ARHGAP24: variants seen among roughly 807,000 people sequenced by gnomAD.
ARHGAP24 encodes the protein Rho GTPase activating protein 24.
ARHGAP24 carries 50 observed loss-of-function variants against 76.4 expected under a neutral mutation model. That is an observed-to-expected ratio of 0.65 (90% CI 0.52 to 0.83). The LOEUF (loss-of-function observed/expected upper bound fraction) is 0.83. Among genes scored for constraint, ARHGAP24 ranks in the 40% least tolerant of loss-of-function variants. The probability of loss-of-function intolerance (pLI) is 0.00; values close to 1 mark genes in which losing one functional copy is unlikely to be tolerated. For missense variants in ARHGAP24, 930 were observed against 914.2 expected, an observed-to-expected ratio of 1.02 and a Z score of -0.22; for synonymous variants, 345 against 323.3, an observed-to-expected ratio of 1.07 and a Z score of -0.72.
chr4:85,725,260 A>G (rs1178312788), intron 3 of ARHGAP24, among the ~76,000 whole-genome samples: 1 of 152,220 alleles, frequency 6.6e-6, no homozygotes, highest in Non-Finnish European at 1.5e-5. Context: ...CTGTATACCT[A>G]ACACCTGGAA....
intron 2 of ARHGAP24, among the ~76,000 whole-genome samples, chr4:85,639,262 TTA>T (rs1340011266): frequency 1.3e-5 from 2 of 152,170 alleles, no homozygotes; most frequent in Non-Finnish European, 2.9e-5. Flanking sequence ...TAGTTCAGTG[TTA>T]TTATCTACTT....
At chr4:85,696,961 A>T (rs1723891169) in intron 2 of ARHGAP24, among the ~76,000 whole-genome samples, 1 of 152,170 alleles carries the variant, frequency 6.6e-6, no homozygotes, top group Non-Finnish European at 1.5e-5. Context: ...TCCTAGTAGG[A>T]TGCATATGGA....
chr4:85,856,705 C>T (rs1054715066), intron 3 of ARHGAP24, among the ~76,000 whole-genome samples: 6 of 151,926 alleles, frequency 3.9e-5, no homozygotes, highest in Admixed American at 3.3e-4. Context: ...CCTGACCTCA[C>T]GTGATCCACT....
chr4:85,522,346 A>G (rs924368961), intron 1 of ARHGAP24, among the ~76,000 whole-genome samples: 2 of 152,116 alleles, frequency 1.3e-5, no homozygotes, highest in African/African-American at 4.8e-5. Flanking sequence ...TTTGTTTTTG[A>G]CTTTTAACTT....
chr4:85,692,242 CTA>C (rs1560588233), intron 2 of ARHGAP24, among the ~76,000 whole-genome samples: 1 of 152,134 alleles, frequency 6.6e-6, no homozygotes, highest in Non-Finnish European at 1.5e-5. Flanking sequence ...TGACCCTTCT[CTA>C]TATCTGCCTT....
chr4:85,834,992 T>C (rs1437636331), intron 3 of ARHGAP24, among the ~76,000 whole-genome samples: 1 of 152,186 alleles, frequency 6.6e-6, no homozygotes, highest in Admixed American at 6.5e-5. Context: ...AAAACTTCAC[T>C]CCTTGGCTTT....
chr4:85,888,747 T>G (rs1337265772), intron 3 of ARHGAP24, among the ~76,000 whole-genome samples: 2 of 152,110 alleles, frequency 1.3e-5, no homozygotes, highest in Non-Finnish European at 2.9e-5. Context: ...TACCCACTGC[T>G]TTTTTGTCCT....
At chr4:85,579,358 G>GA (rs1727512315) in intron 2 of ARHGAP24, among the ~76,000 whole-genome samples, 1 of 151,998 alleles carries the variant, frequency 6.6e-6, no homozygotes, top group African/African-American at 2.4e-5. Flanking sequence ...AACTTTAGGG[G>GA]AAAAAACAAA....
intron 1 of ARHGAP24, among the ~76,000 whole-genome samples, chr4:85,529,080 A>G (rs527622173): frequency 6.6e-6 from 1 of 152,152 alleles, no homozygotes; most frequent in Admixed American, 6.6e-5. Context: ...ATGTATATCC[A>G]GTAGTAGTCA....
rs1022716965 is a variant in ARHGAP24, at chr4:85,898,058, T to A, written c.269-25590T>A. 5.4e-5 allele frequency among the ~76,000 whole-genome samples: 8 copies of A among 147,074 alleles called. 1 individual carries two copies. The highest frequency in any genetic ancestry group is 2.1e-4 in the South Asian group (1 of 4,702). ...GTATATATATATATATATATATATA[T>A]AATTATTTTTTTATTGGTTAGGATG... On this transcript the variant is annotated intron_variant, in intron 3 of 9. Coordinates refer to ENST00000395184, the MANE Select transcript of ARHGAP24 (RefSeq NM_001025616.3).
intron 1 of ARHGAP24, among the ~76,000 whole-genome samples, chr4:85,524,892 C>A (rs1724919894): frequency 6.6e-6 from 1 of 152,062 alleles, no homozygotes; most frequent in Non-Finnish European, 1.5e-5. Flanking sequence ...TGTTAGGCAG[C>A]AGACTAAAAC....
intron 3 of ARHGAP24, among the ~76,000 whole-genome samples, chr4:85,729,370 A>C (rs561547799): frequency 1.3e-5 from 2 of 152,324 alleles, no homozygotes; most frequent in South Asian, 2.1e-4. Flanking sequence ...TTCCCTTCCT[A>C]CTTAAAATAC....
intron 1 of ARHGAP24, among the ~76,000 whole-genome samples, chr4:85,503,187 T>C (rs1373335245): frequency 6.6e-6 from 1 of 152,172 alleles, no homozygotes; most frequent in Non-Finnish European, 1.5e-5. Flanking sequence ...CTCTTTTTTG[T>C]TGTGTCTCTG....
chr4:85,958,190 T>G (rs1428394017), intron 5 of ARHGAP24, among the ~76,000 whole-genome samples: 1 of 152,204 alleles, frequency 6.6e-6, no homozygotes, highest in African/African-American at 2.4e-5. Context: ...GTTACCTAAC[T>G]TCTCAAAACT....
chr4:85,827,461 C>CGTGTGTGTGTGTGTGTGTGTGTGTGTGT (rs56379272), intron 3 of ARHGAP24, among the ~76,000 whole-genome samples: 1 of 108,642 alleles, frequency 9.2e-6, no homozygotes, highest in Non-Finnish European at 1.9e-5. Context: ...GAAGTCTGCC[C>CGTGTGTGTGTGTGTGTGTGTGTGTGTGT]GTGTGTGTGT....
chr4:86,000,435 A>T, intron 9 of ARHGAP24, 44 bp from the exon 10 acceptor site: 1 of 869,412 alleles, frequency 1.2e-6, no homozygotes, highest in Non-Finnish European at 1.8e-6. Flanking sequence ...TTTATCTCTT[A>T]CTCTTGCGTC....
At chr4:85,972,355 CA>C (rs985022823) in intron 6 of ARHGAP24, 187 bp downstream of exon 6, 403 of 679,254 alleles carry the variant, frequency 5.9e-4, no homozygotes, top group Non-Finnish European at 7.3e-4. Flanking sequence ...CCTCTCTGAT[CA>C]AAAAAAAAGA....
intron 1 of ARHGAP24, among the ~76,000 whole-genome samples, chr4:85,480,781 A>T (rs1722785889): frequency 6.6e-6 from 1 of 152,190 alleles, no homozygotes; most frequent in South Asian, 2.1e-4. Flanking sequence ...TTGAAAGTAG[A>T]TACTAAGGCC....
At chr4:85,781,836 G>T (rs1057369496) in intron 3 of ARHGAP24, among the ~76,000 whole-genome samples, 2 of 151,666 alleles carry the variant, frequency 1.3e-5, no homozygotes, top group Non-Finnish European at 2.9e-5. Flanking sequence ...GAGTTCGAGG[G>T]CAGCCTGGCC....
Sources: allele counts gnomAD v4.1 joint callset (sites outside exome capture counted in the v4.1 genomes callset), GRCh38; gene constraint gnomAD v4.1.1; transcripts MANE v1.5; gene names NCBI Gene and HGNC (gene_info 2026-07-23, HGNC 2026-07-21).